Variants in EPPK1 observed in about 807,000 individuals in gnomAD.
EPPK1 encodes the protein epiplakin 1, also known as epiplakin.
For missense variants in EPPK1, 3,823 were observed against 3,673.3 expected, an observed-to-expected ratio of 1.04 and a Z score of -1.05; for synonymous variants, 1,862 against 1,721.2, an observed-to-expected ratio of 1.08 and a Z score of -2.03.
In EPPK1 at chr8:143,871,403, G is replaced by C; in HGVS notation, c.1851C>G (p.Leu617=). Residue 617 remains leucine, a synonymous_variant, in exon 2 of 2, where the codon CTC becomes CTG. Coordinates refer to ENST00000615648, the MANE Select transcript of EPPK1 (RefSeq NM_031308.4). ...TGCTCAGGCGTTCCTGGGAGCCAGGGAGCAGCAGGCCAGCAATGCAGCCCG... is the reference window on the plus strand; with the variant it reads ...TGCTCAGGCGTTCCTGGGAGCCAGGCAGCAGCAGGCCAGCAATGCAGCCCG... ...QGTGCIAGLL[L]PGSQERLSIY... 6.2e-7 allele frequency: 1 copy of C among 1,605,098 alleles called. No homozygotes were observed. Among genetic ancestry groups the C allele is most frequent in the Non-Finnish European group, 8.5e-7 (1 of 1,177,108 alleles).
In EPPK1 at chr8:143,866,779, A is replaced by T. The variant is rs782080570; in HGVS notation, c.6475T>A (p.Leu2159Ile). ...GTTTCCTGCTTCTCGATCAACTCTA[A>T]GATGAGCTGCGCTACCGTCTGCAGT... ...RALQTVAQLI[L>I]ELIEKQETSN... Residue 2159 changes from leucine to isoleucine, a missense_variant, in exon 2 of 2, where the codon TTA becomes ATA. Leu to Ile is a conservative substitution (Grantham distance 5). Transcript: ENST00000615648. 1 of 1,613,492 alleles carries T rather than the reference A, an allele frequency of 6.2e-7. No individual in the cohort carries two copies. Among genetic ancestry groups the T allele is most frequent in the Non-Finnish European group, 8.5e-7 (1 of 1,179,868 alleles).
rs782615464 is a variant in EPPK1 at position 143,872,240 on chromosome 8, C to T, written c.1014G>A (p.Trp338Ter). 8 of 1,609,982 alleles carry T rather than the reference C, an allele frequency of 5.0e-6. No homozygotes were observed. The highest frequency in any genetic ancestry group is 6.8e-6 in the Non-Finnish European group (8 of 1,178,646). Residue 338 changes from tryptophan (W) to a stop codon, truncating the protein, a stop_gained, in exon 2 of 2, where the codon TGG (tryptophan) becomes TGA (stop). Coordinates refer to ENST00000615648, the MANE Select transcript of EPPK1 (RefSeq NM_031308.4). LOFTEE classifies it low-confidence loss of function (END_TRUNC). ...GGCCCGCCCTGACTGCCTCGTCTAC[C>T]CACAGCCGCTGGCCTGTGATGGGGT... ...LVDPITGQRL[W>*]VDEAVRAGLV...
rs1006884299 is a variant in EPPK1, at chr8:143,875,646, G to A, written c.-45-2348C>T. 3.3e-5 allele frequency among the ~76,000 whole-genome samples: 5 copies of A among 152,280 alleles called. No homozygotes were observed. The South Asian group carries it at 1.0e-3, about 31-fold the overall frequency. On this transcript the variant is annotated intron_variant, in intron 1 of 1. Transcript: ENST00000615648. Reference sequence around the variant, plus strand: ...AGCTCACAAGAGGCTGCAGACGTCTGGCCAGCTGGCCGGTGCGCCACAGGG... The same window carrying A: ...AGCTCACAAGAGGCTGCAGACGTCTAGCCAGCTGGCCGGTGCGCCACAGGG...
In EPPK1 at chr8:143,869,740, C is replaced by G; in HGVS notation, c.3514G>C (p.Val1172Leu). The change falls in exon 2 of 2, where the codon GTG becomes CTG. Residue 1172 changes from valine (V) to leucine (L), a missense_variant. Physicochemically the swap from Val to Leu is conservative, Grantham distance 32 (BLOSUM62 1). Coordinates refer to ENST00000615648, the MANE Select transcript of EPPK1 (RefSeq NM_031308.4). ...LEDVQEGRTTVPQLLASVQRW... is the reference protein window; with the variant it reads ...LEDVQEGRTTLPQLLASVQRW... ...TGCACAGAGGCTAGCAGCTGTGGCA[C>G]AGTGGTCCTCCCCTCCTGCACGTCC... is the stretch of plus-strand genomic sequence containing the variant. 3 of 1,600,940 alleles carry G rather than the reference C, an allele frequency of 1.9e-6. No individual in the cohort carries two copies. The highest frequency in any genetic ancestry group is 2.6e-6 in the Non-Finnish European group (3 of 1,174,744).
At position 143,857,719 on chromosome 8, in the gene EPPK1, G is replaced by A; in HGVS notation, c.*268C>T. 2.5e-6 allele frequency: 1 copy of A among 407,400 alleles called. No individual in the cohort carries two copies. Among genetic ancestry groups the A allele is most frequent in the African/African-American group, 2.1e-5 (1 of 48,588 alleles). 25.2% of individuals were successfully genotyped at this position (407,400 alleles called of 1,614,324 possible). ...GTGAATCCAAAACAGACAGAAAAAT[G>A]TTCTGAAAACGAAAAAGGAGAGAAA... is the stretch of plus-strand genomic sequence containing the variant. On this transcript the variant is annotated 3_prime_UTR_variant, in exon 2 of 2. Transcript: ENST00000615648.
chr8:143,867,601 T>C lies in EPPK1; in HGVS notation c.5653A>G (p.Thr1885Ala), dbSNP rs1554659524. The change falls in exon 2 of 2, where the codon ACG (threonine) becomes GCG (alanine). Residue 1885 changes from threonine to alanine, a missense_variant. Coordinates refer to ENST00000615648, the MANE Select transcript of EPPK1 (RefSeq NM_031308.4). ...VGRTGGQALS[T>A]LECVKPYLEG... ...AGATAGGGCTTCACACACTCCAGCG[T>C]GCTGAGTGCCTGTCCCCCAGTCCTC... 1 of 1,613,184 alleles carries C rather than the reference T, an allele frequency of 6.2e-7. No individual in the cohort carries two copies. The highest frequency in any genetic ancestry group is 1.1e-5 in the South Asian group (1 of 91,086).
rs782373843 is a variant in EPPK1, at chr8:143,871,535, C to T, written c.1719G>A (p.Leu573=). ...GGTCCTGGTCGATGATCTCGGCTTT[C>T]AGCAGCTCTCCTGGTGTCACGGTGT... ...LRDTVTPGEL[L]KAEIIDQDLY... is the part of the protein sequence containing the mutation. Residue 573 remains leucine (L), a synonymous_variant, in exon 2 of 2, where the codon CTG becomes CTA. Transcript: ENST00000615648. 3 of 1,610,130 alleles carry T rather than the reference C, an allele frequency of 1.9e-6. No individual in the cohort carries two copies. The highest frequency in any genetic ancestry group is 1.7e-4 in the Middle Eastern group (1 of 6,058).
intron 1 of EPPK1, among the ~76,000 whole-genome samples, chr8:143,876,512 C>A (rs1461601635): frequency 6.6e-6 from 1 of 152,190 alleles, no homozygotes; most frequent in Admixed American, 6.5e-5. Context: ...GCCAGCTTCT[C>A]CTTCGTCCAC....
rs113555848 is a variant in EPPK1 at position 143,870,683 on chromosome 8, G to A, written c.2571C>T (p.Arg857=). 177 of 1,609,138 alleles carry A rather than the reference G, an allele frequency of 1.1e-4. 1 individual carries two copies. The African/African-American group carries it at 1.5e-3, about 14-fold the overall frequency. The part of the protein sequence containing the change: ...RRQLLRRYRQ[R]EVTLGQVAKL... ...TTGCCACCTGCCCCAGCGTGACCTC[G>A]CGCTGCCGGTAGCGACGCAGCAGCT... is the stretch of plus-strand genomic sequence containing the variant. Residue 857 remains arginine, a synonymous_variant, in exon 2 of 2, where the codon CGC becomes CGT. Transcript: ENST00000615648. The surrounding 1 kb of genome is among the most constrained non-coding windows in gnomAD (Gnocchi z 5.2).
rs781793059 is a variant in EPPK1, at chr8:143,867,193, G to T, written c.6061C>A (p.His2021Asn). The T allele has an allele frequency of 1.2e-6, 2 of 1,612,760 alleles. No homozygotes were observed. Among genetic ancestry groups the T allele is most frequent in the Admixed American group, 3.3e-5 (2 of 60,014 alleles). The part of the protein sequence containing the change: ...VATGGVIDPQ[H>N]HHRLPLETAY... ...GTTTCCAGTGGGAGCCGGTGGTGGT[G>T]CTGTGGGTCGATGACACCCCCCGTG... The change falls in exon 2 of 2, where the codon CAC (histidine) becomes AAC (asparagine). Residue 2021 changes from histidine to asparagine, a missense_variant. His to Asn is a moderately conservative substitution (Grantham distance 68). Coordinates refer to ENST00000615648, the MANE Select transcript of EPPK1 (RefSeq NM_031308.4).
chr8:143,868,942 T>G lies in EPPK1; in HGVS notation c.4312A>C (p.Thr1438Pro), dbSNP rs782386274. The G allele has an allele frequency of 3.7e-6, 6 of 1,610,920 alleles. No homozygotes were observed. The highest frequency in any genetic ancestry group is 5.1e-6 in the Non-Finnish European group (6 of 1,179,818). ...GLLLLPLPSD[T>P]VLEVDDHTAV... is the part of the protein sequence containing the mutation. Reference sequence around the variant, plus strand: ...GTGTGGTCGTCCACCTCAAGCACTGTGTCTGAGGGCAGTGGCAACAGCAAC... The same window carrying G: ...GTGTGGTCGTCCACCTCAAGCACTGGGTCTGAGGGCAGTGGCAACAGCAAC... Residue 1438 changes from threonine (T) to proline (P), a missense_variant, in exon 2 of 2, where the codon ACA (threonine) becomes CCA (proline). Coordinates refer to ENST00000615648, the MANE Select transcript of EPPK1 (RefSeq NM_031308.4).
Position 143,866,640 on chromosome 8 carries a change from C to G in EPPK1, c.6614G>C (p.Ser2205Thr), listed in dbSNP as rs781996350. Residue 2205 changes from serine to threonine, a missense_variant, in exon 2 of 2, where the codon AGC (serine) becomes ACC (threonine). Physicochemically the swap from Ser to Thr is moderately conservative, Grantham distance 58. Transcript: ENST00000615648. ...EMLQDLETGR[S>T]TTQELMEDDR... ...GTCCTCCATGAGCTCTTGCGTCGTGCTCCGTCCCGTTTCCAGGTCCTGGAG... is the reference window on the plus strand; with the variant it reads ...GTCCTCCATGAGCTCTTGCGTCGTGGTCCGTCCCGTTTCCAGGTCCTGGAG... 1.9e-6 allele frequency: 3 copies of G among 1,613,024 alleles called. No individual in the cohort carries two copies. The highest frequency in any genetic ancestry group is 1.3e-5 in the African/African-American group (1 of 75,062).
At position 143,870,322 on chromosome 8, in the gene EPPK1, T is replaced by C; in HGVS notation, c.2932A>G (p.Ser978Gly). ...TCATCCACCGAGAGGCTCTCTGGGCTGTGAGGGTCCATGATGGTTCCGGTG... is the reference window on the plus strand; with the variant it reads ...TCATCCACCGAGAGGCTCTCTGGGCCGTGAGGGTCCATGATGGTTCCGGTG... ...AATGTIMDPH[S>G]PESLSVDEAV... The change falls in exon 2 of 2, where the codon AGC (serine) becomes GGC (glycine). Residue 978 changes from serine (S) to glycine (G), a missense_variant. Ser to Gly is a moderately conservative substitution (Grantham distance 56, BLOSUM62 0). Transcript: ENST00000615648. The surrounding 1 kb of genome is among the most constrained non-coding windows in gnomAD (Gnocchi z 5.2). 1 of 1,567,682 alleles carries C rather than the reference T, an allele frequency of 6.4e-7. No homozygotes were observed. Among genetic ancestry groups the C allele is most frequent in the South Asian group, 1.1e-5 (1 of 87,242 alleles).
chr8:143,878,199 T>C (rs1819518278), intron 1 of EPPK1, among the ~76,000 whole-genome samples: 1 of 150,450 alleles, frequency 6.6e-6, no homozygotes. Flanking sequence ...GGGCGCCACT[T>C]CGGACTCGGA....
In EPPK1 at chr8:143,871,735, G is replaced by T; in HGVS notation, c.1519C>A (p.Pro507Thr). The T allele has an allele frequency of 6.2e-7, 1 of 1,609,310 alleles. No individual in the cohort carries two copies. Residue 507 changes from proline to threonine, a missense_variant, in exon 2 of 2, where the codon CCC becomes ACC. Physicochemically the swap from Pro to Thr is conservative, Grantham distance 38. Coordinates refer to ENST00000615648, the MANE Select transcript of EPPK1 (RefSeq NM_031308.4). Reference sequence around the variant, plus strand: ...AAGAGCAGCTCCCAGAGGGACACGGGCCGGCCCCGGAACTTCCCCACAGAG... The same window carrying T: ...AAGAGCAGCTCCCAGAGGGACACGGTCCGGCCCCGGAACTTCCCCACAGAG... Reference protein sequence around the residue: ...TVSVGKFRGRPVSLWELLFSE... With the variant: ...TVSVGKFRGRTVSLWELLFSE...
chr8:143,877,185 T>C (rs1554662404), intron 1 of EPPK1, among the ~76,000 whole-genome samples: 1 of 152,288 alleles, frequency 6.6e-6, no homozygotes, highest in East Asian at 1.9e-4. Context: ...CTTCCTGACC[T>C]TGGGCCTGGT....
rs377271599 is a variant in EPPK1 at position 143,869,938 on chromosome 8, C to G, written c.3316G>C (p.Glu1106Gln). ...GGCAGGAGGTGAAGGCCAGAAGTCT[C>G]ATCCCTGGGGCACTCCTCCAGGAGC... ...AQLLEECPRD[E>Q]TSGLHLLPLP... Residue 1106 changes from glutamate (E) to glutamine (Q), a missense_variant, in exon 2 of 2, where the codon GAG becomes CAG. Physicochemically the swap from Glu to Gln is conservative, Grantham distance 29. Transcript: ENST00000615648. 1 of 1,608,808 alleles carries G rather than the reference C, an allele frequency of 6.2e-7. No homozygotes were observed. The highest frequency in any genetic ancestry group is 2.2e-5 in the East Asian group (1 of 44,818).
chr8:143,858,158 C>T lies in EPPK1; in HGVS notation c.15096G>A (p.Arg5032=), dbSNP rs1294592506. Residue 5032 remains arginine (R), a synonymous_variant, in exon 2 of 2, where the codon CGG becomes CGA. Transcript: ENST00000615648. ...SHRVPVDVAY[R]RGYFDEEMNR... is the part of the protein sequence containing the mutation. ...TCATCTCCTCGTCGAAGTAGCCGCG[C>T]CGGTAGGCCACGTCCACGGGCACGC... 1 of 1,612,956 alleles carries T rather than the reference C, an allele frequency of 6.2e-7. No homozygotes were observed. The highest frequency in any genetic ancestry group is 1.3e-5 in the African/African-American group (1 of 74,914).
chr8:143,869,348 G>C lies in EPPK1; in HGVS notation c.3906C>G (p.Asp1302Glu), dbSNP rs377549667. The change falls in exon 2 of 2, where the codon GAC (aspartate) becomes GAG (glutamate). Residue 1302 changes from aspartate to glutamate, a missense_variant. Transcript: ENST00000615648. ...PLNNQRLSVEDAVKVGLVGRE... is the reference protein window; with the variant it reads ...PLNNQRLSVEEAVKVGLVGRE... ...TGCCCACCAGGCCGACCTTAACCGC[G>C]TCCTCCACTGACAGTCTCTGGTTGT... 11 of 1,610,468 alleles carry C rather than the reference G, an allele frequency of 6.8e-6. No individual in the cohort carries two copies. The highest frequency in any genetic ancestry group is 8.5e-6 in the Non-Finnish European group (10 of 1,178,850).
Sources: gnomAD v4.1 joint callset for allele counts (sites outside exome capture counted in the v4.1 genomes callset) on GRCh38, gnomAD v4.1.1 for gene constraint, Gnocchi (gnomAD v3.1) non-coding constraint, MANE v1.5 for transcripts, NCBI Gene and HGNC (gene_info 2026-07-23, HGNC 2026-07-21) for gene names.